The following POLN variants were observed in gnomAD, a reference collection of about 807,000 sequenced individuals.
POLN encodes DNA polymerase N.
Under a neutral mutation model 113.5 loss-of-function variants are expected in POLN, and 108 were observed. That is an observed-to-expected ratio of 0.95 (90% CI 0.81 to 1.12). The LOEUF (loss-of-function observed/expected upper bound fraction) is 1.12. Ranked by LOEUF, POLN falls within the 50% of genes most tolerant of loss-of-function variation. POLN has a pLI of 0.00. For synonymous variants in POLN, 386 were observed against 391.5 expected (o/e 0.99, Z 0.17); for missense variants, 1,097 against 1,077.1 (o/e 1.02, Z -0.26).
chr4:2,156,575 C>A, intron 16 of POLN: 1 of 643,836 alleles, frequency 1.6e-6, no homozygotes, highest in Non-Finnish European at 2.8e-6. Flanking sequence ...GTGTGAAGCC[C>A]CCCTCTTGCT....
At chr4:2,209,342 T>C (rs1226913851) in intron 4 of POLN, among the ~76,000 whole-genome samples, 6 of 151,736 alleles carry the variant, frequency 4.0e-5, no homozygotes, top group Admixed American at 3.9e-4. Flanking sequence ...TAGTTGGGCA[T>C]GGTGGAGCAT....
chr4:2,208,676 G>C (rs1357095198), intron 4 of POLN, among the ~76,000 whole-genome samples, 189 bp from the exon 5 acceptor site: 1 of 152,098 alleles, frequency 6.6e-6, no homozygotes, highest in African/African-American at 2.4e-5. Context: ...ACCAAGGTAG[G>C]CATGCATATC....
At chr4:2,194,013 T>A (rs1201918659) in intron 6 of POLN, among the ~76,000 whole-genome samples, 1 of 152,230 alleles carries the variant, frequency 6.6e-6, no homozygotes, top group East Asian at 1.9e-4. Context: ...ATTGACTGAA[T>A]ACTTACCATG....
At chr4:2,152,950 C>T (rs879718406) in intron 16 of POLN, among the ~76,000 whole-genome samples, 5 of 152,190 alleles carry the variant, frequency 3.3e-5, no homozygotes, top group Non-Finnish European at 4.4e-5. Context: ...TCCTCTGTAC[C>T]CAGTACAGTA....
In POLN at chr4:2,093,769, G is replaced by A. The variant is rs34193425; in HGVS notation, c.2065+2082C>T. Among the ~76,000 whole-genome samples, 2,652 of 152,260 alleles carry A rather than the reference G, an allele frequency of 0.017. 93 individuals are homozygous for A. Among genetic ancestry groups the A allele is most frequent in the African/African-American group, 0.061 (2,527 of 41,540 alleles). On this transcript the variant is annotated intron_variant, in intron 20 of 25. Coordinates refer to ENST00000511885, the MANE Select transcript of POLN (RefSeq NM_181808.4). The surrounding 1 kb of genome is among the most constrained non-coding windows in gnomAD (Gnocchi z 4.1). The stretch of plus-strand genomic sequence containing the variant: ...AGAATCAATCCAATGTCACACTACT[G>A]TCACTCACAGAACCTAGTTCTTTAA...
At chr4:2,083,159 T>C (rs1415873929) in intron 21 of POLN, 3 of 152,178 alleles carry the variant, frequency 2.0e-5, no homozygotes, top group Non-Finnish European at 1.5e-5. Context: ...TATCTTAGTG[T>C]TCAAAAACAG....
intron 13 of POLN, among the ~76,000 whole-genome samples, chr4:2,162,380 A>G (rs2108742991): frequency 6.6e-6 from 1 of 152,134 alleles, no homozygotes; most frequent in South Asian, 2.1e-4. Context: ...CAGAAGGAAG[A>G]AACTCCAAAC....
At chr4:2,122,417 AG>A (rs1292326017) in intron 19 of POLN, among the ~76,000 whole-genome samples, 1 of 152,208 alleles carries the variant, frequency 6.6e-6, no homozygotes, top group African/African-American at 2.4e-5. Flanking sequence ...AAAACACCCC[AG>A]GGTGCACCTG....
chr4:2,181,146 GTTTT>G (rs1733130294), intron 7 of POLN, among the ~76,000 whole-genome samples: 1 of 151,822 alleles, frequency 6.6e-6, no homozygotes, highest in African/African-American at 2.4e-5. Context: ...TTGTTTGTTT[GTTTT>G]GTTTGTTTTT....
chr4:2,168,296 G>A (rs1018852141), intron 13 of POLN, among the ~76,000 whole-genome samples: 2 of 152,166 alleles, frequency 1.3e-5, no homozygotes, highest in Admixed American at 6.5e-5. Flanking sequence ...GGGGACAGGC[G>A]CTGGGGTGAG....
rs1292923476 is a variant in POLN at position 2,072,267 on chromosome 4, G to GCGGC, written c.2546_2549dup (p.Ser851ProfsTer23). On this transcript the variant is annotated frameshift_variant, in exon 26 of 26. Transcript: ENST00000511885. LOFTEE classifies it low-confidence loss of function (END_TRUNC). ...GCAGTGGCACCAGGTGTCCCCATGA[G>GCGGC]CGGCCGGCACTCAGGCTCACCTTGA... 1 of 1,593,344 alleles carries GCGGC rather than the reference G, an allele frequency of 6.3e-7. No individual in the cohort carries two copies. The highest frequency in any genetic ancestry group is 8.5e-7 in the Non-Finnish European group (1 of 1,169,698).
At chr4:2,144,575 A>T (rs939751811) in intron 16 of POLN, among the ~76,000 whole-genome samples, 20 of 152,216 alleles carry the variant, frequency 1.3e-4, no homozygotes, top group African/African-American at 4.8e-4. Context: ...AATAATTAAT[A>T]TTTAAATAAT....
intron 5 of POLN, among the ~76,000 whole-genome samples, chr4:2,203,713 G>C (rs762088511): frequency 6.6e-6 from 1 of 151,840 alleles, no homozygotes; most frequent in African/African-American, 2.4e-5. Context: ...AGGAACTAGA[G>C]AAACAAGAAC....
intron 16 of POLN, among the ~76,000 whole-genome samples, chr4:2,146,296 A>C (rs931520201): frequency 3.9e-5 from 6 of 152,094 alleles, no homozygotes; most frequent in Admixed American, 3.9e-4. Flanking sequence ...ACCTGAGGTC[A>C]GGAGTTCCAG....
chr4:2,168,199 A>G (rs1232465615), intron 13 of POLN, among the ~76,000 whole-genome samples: 1 of 152,216 alleles, frequency 6.6e-6, no homozygotes, highest in Non-Finnish European at 1.5e-5. Flanking sequence ...GGAGCTGAGC[A>G]GCAGCAAATG....
At chr4:2,209,258 G>A (rs1449791031) in intron 4 of POLN, among the ~76,000 whole-genome samples, 3 of 152,026 alleles carry the variant, frequency 2.0e-5, no homozygotes, top group African/African-American at 7.2e-5. Context: ...GAGGCTGGCG[G>A]ATCACAAGGT....
intron 9 of POLN, among the ~76,000 whole-genome samples, chr4:2,175,428 C>T (rs1732971424): frequency 6.6e-6 from 1 of 152,168 alleles, no homozygotes; most frequent in Admixed American, 6.5e-5. Context: ...TTTAGTCTAC[C>T]ATTTTAATTT....
rs1220265360 is a variant in POLN, at chr4:2,095,930, C to T, written c.1986G>A (p.Lys662=). The T allele has an allele frequency of 1.9e-6, 3 of 1,614,020 alleles. No individual in the cohort carries two copies. In the East Asian group the frequency reaches 6.7e-5, roughly 36 times the overall value. Residue 662 remains lysine (K), a synonymous_variant, in exon 20 of 26, where the codon AAG becomes AAA. Coordinates refer to ENST00000511885, the MANE Select transcript of POLN (RefSeq NM_181808.4). ...GTGTCACCTGTTCCACGGGCACATC[C>T]TTCCTGCATGGAGAGACCATGTGTG... ...DVFSTLTSQW[K]DVPVEQVTHA... is the part of the protein sequence containing the mutation.
At chr4:2,140,610 G>T (rs1003711620) in intron 16 of POLN, among the ~76,000 whole-genome samples, 1 of 152,098 alleles carries the variant, frequency 6.6e-6, no homozygotes, top group Non-Finnish European at 1.5e-5. Context: ...AGCCAGGTAT[G>T]GTGGTTGTAC....
Sources: gnomAD v4.1 joint callset for allele counts (sites outside exome capture counted in the v4.1 genomes callset) on GRCh38, gnomAD v4.1.1 for gene constraint, Gnocchi (gnomAD v3.1) non-coding constraint, MANE v1.5 for transcripts, NCBI Gene and HGNC (gene_info 2026-07-23, HGNC 2026-07-21) for gene names.